NEXN: variants seen among roughly 807,000 people sequenced by gnomAD.
NEXN encodes nexilin F-actin binding protein, also known as nexilin.
Under a neutral mutation model 92.6 loss-of-function variants are expected in NEXN, and 65 were observed. That is an observed-to-expected ratio of 0.70 (90% CI 0.57 to 0.86). NEXN has a LOEUF of 0.86. Ranked by LOEUF, NEXN falls within the 40% of genes least tolerant of loss-of-function variation. The probability of loss-of-function intolerance (pLI) is 0.00; values close to 1 mark genes in which losing one functional copy is unlikely to be tolerated. For missense variants in NEXN, 778 were observed against 771.1 expected (o/e 1.01, Z -0.11); for synonymous variants, 254 against 242.5 (o/e 1.05, Z -0.44).
At position 77,932,755 on chromosome 1, in the gene NEXN, C is replaced by A. The variant is rs542058329; in HGVS notation, c.1054-527C>A. Among the ~76,000 whole-genome samples, 300 of 152,316 alleles carry A rather than the reference C, an allele frequency of 2.0e-3. 1 individual carries two copies. The highest frequency in any genetic ancestry group is 3.5e-3 in the Non-Finnish European group (238 of 68,018). On this transcript the variant is annotated intron_variant, in intron 9 of 12. Transcript: ENST00000334785. ...CCATTTCCTTCATAACCACAAAATA[C>A]CTCGGTCTTACATTTTCTAATAATT... is the stretch of plus-strand genomic sequence containing the variant.
At chr1:77,905,389 G>A (rs1648040526) in intron 1 of NEXN, among the ~76,000 whole-genome samples, 2 of 151,520 alleles carry the variant, frequency 1.3e-5, no homozygotes, top group Admixed American at 1.3e-4. Flanking sequence ...CCTTGAAGCT[G>A]GCAAGATTTA....
At chr1:77,930,597 T>G (rs1305529833) in intron 9 of NEXN, among the ~76,000 whole-genome samples, 1 of 152,228 alleles carries the variant, frequency 6.6e-6, no homozygotes, top group African/African-American at 2.4e-5. Flanking sequence ...ACAAATTTCT[T>G]TATAGTCTTG....
At chr1:77,910,503 A>G (rs1475621908) in intron 1 of NEXN, among the ~76,000 whole-genome samples, 1 of 152,234 alleles carries the variant, frequency 6.6e-6, no homozygotes, top group African/African-American at 2.4e-5. Flanking sequence ...CTGTAATCCC[A>G]GCATTTTGGG....
chr1:77,890,896 CCA>C (rs148815944), intron 1 of NEXN, among the ~76,000 whole-genome samples: 38 of 151,850 alleles, frequency 2.5e-4, no homozygotes, highest in African/African-American at 9.2e-4. Context: ...GTTATGTAGG[CCA>C]CACACACACA....
intron 1 of NEXN, among the ~76,000 whole-genome samples, chr1:77,903,581 G>A (rs1332269821): frequency 6.6e-6 from 1 of 152,184 alleles, no homozygotes; most frequent in Non-Finnish European, 1.5e-5. Context: ...AGACTAAATA[G>A]AAATAATTTC....
Position 77,929,462 on chromosome 1 carries a change from A to G in NEXN, c.1011A>G (p.Ile337Met). The G allele has an allele frequency of 6.2e-6, 10 of 1,613,342 alleles. No individual in the cohort carries two copies. The highest frequency in any genetic ancestry group is 2.2e-5 in the East Asian group (1 of 44,824). ...RKAEEEARRR[I>M]EEEKKAFAEA... is the part of the protein sequence containing the mutation. Reference sequence around the variant, plus strand: ...CAGAAGAAGAAGCCAGAAGGAGAATAGAGGAAGAAAAGAAGGCGTTTGCTG... The same window carrying G: ...CAGAAGAAGAAGCCAGAAGGAGAATGGAGGAAGAAAAGAAGGCGTTTGCTG... Residue 337 changes from isoleucine (I) to methionine (M), a missense_variant, in exon 9 of 13, where the codon ATA becomes ATG. Physicochemically the swap from Ile to Met is conservative, Grantham distance 10 (BLOSUM62 1). Around this residue, in one of 3 missense-constraint regions of NEXN, gnomAD observed 532 missense variants for 476.7 expected, o/e 1.12. Transcript: ENST00000334785.
intron 1 of NEXN, among the ~76,000 whole-genome samples, chr1:77,912,484 T>G (rs1397638519): frequency 6.6e-6 from 1 of 152,178 alleles, no homozygotes; most frequent in Admixed American, 6.5e-5. Flanking sequence ...AGACTTGGAA[T>G]AGCCAACACA....
intron 5 of NEXN, among the ~76,000 whole-genome samples, chr1:77,921,290 C>T (rs542948665): frequency 6.6e-6 from 1 of 152,020 alleles, no homozygotes; most frequent in East Asian, 1.9e-4. Flanking sequence ...GGTTCATGAT[C>T]AGGCCACTGC....
chr1:77,914,644 G>C (rs1314146783), intron 1 of NEXN, among the ~76,000 whole-genome samples: 1 of 151,918 alleles, frequency 6.6e-6, no homozygotes, highest in African/African-American at 2.4e-5. Flanking sequence ...GGATCACAAG[G>C]TCAGGAGTTC....
chr1:77,932,959 C>T (rs1051128671), intron 9 of NEXN: 5 of 224,034 alleles, frequency 2.2e-5, no homozygotes, highest in South Asian at 1.3e-4. Context: ...GTCGGGAGTT[C>T]GAGACCAGCC....
chr1:77,898,192 C>G (rs545653401), intron 1 of NEXN, among the ~76,000 whole-genome samples: 143 of 152,236 alleles, frequency 9.4e-4, no homozygotes, highest in African/African-American at 3.0e-3. Context: ...AAAAAGAACC[C>G]GCATCACCAA....
At chr1:77,900,576 A>G (rs1486496766) in intron 1 of NEXN, among the ~76,000 whole-genome samples, 2 of 152,218 alleles carry the variant, frequency 1.3e-5, no homozygotes, top group African/African-American at 4.8e-5. Flanking sequence ...ATTTGAAAAA[A>G]TGCAGCTTTT....
Position 77,942,969 on chromosome 1 carries a change from C to G in NEXN, c.*140C>G, listed in dbSNP as rs113440015. The stretch of plus-strand genomic sequence containing the variant: ...TTCACTCCAACTTTCTTACTACATC[C>G]ATCTTTTCTGTGGCGGGGCCAAAAA... On this transcript the variant is annotated 3_prime_UTR_variant, in exon 13 of 13. Transcript: ENST00000334785. The G allele has an allele frequency of 8.2e-6, 10 of 1,226,504 alleles. No homozygotes were observed. The African/African-American group carries it at 9.0e-5, about 11-fold the overall frequency. The allele number at this position is 1,226,504 out of a possible 1,614,324, so 76.0% of individuals were successfully genotyped here. A position where few individuals can be genotyped will look rare whatever the true frequency, so the allele number is the denominator to read the frequency against.
chr1:77,921,818 G>A (rs1283937577), intron 5 of NEXN, among the ~76,000 whole-genome samples: 7 of 152,126 alleles, frequency 4.6e-5, no homozygotes, highest in Non-Finnish European at 1.0e-4. Flanking sequence ...GGCTGCGGTG[G>A]GAGGATGATC....
Position 77,916,035 on chromosome 1 carries a change from A to G in NEXN, c.-52-20A>G, listed in dbSNP as rs1648947925. 1.1e-6 allele frequency: 1 copy of G among 892,064 alleles called. No individual in the cohort carries two copies. Among genetic ancestry groups the G allele is most frequent in the Non-Finnish European group, 1.5e-6 (1 of 646,786 alleles). The allele number at this position is 892,064 out of a possible 1,614,324, so 55.3% of individuals were successfully genotyped here. On this transcript the variant is annotated intron_variant, in intron 1 of 12. Transcript: ENST00000334785. ...TTACAAATAAATTAAAATTTATTAT[A>G]CAATATAAATTTTTTTCAGGTGCAA... is the stretch of plus-strand genomic sequence containing the variant.
chr1:77,913,875 A>C (rs1571104947), intron 1 of NEXN, among the ~76,000 whole-genome samples: 1 of 152,234 alleles, frequency 6.6e-6, no homozygotes, highest in African/African-American at 2.4e-5. Flanking sequence ...ACTGTGGTAC[A>C]TGCAGGTAAT....
intron 5 of NEXN, among the ~76,000 whole-genome samples, chr1:77,922,609 T>G (rs1007729321): frequency 6.6e-6 from 1 of 151,522 alleles, no homozygotes; most frequent in Non-Finnish European, 1.5e-5. Context: ...TTCTTTTTTT[T>G]TTTTTTGAGA....
In NEXN at chr1:77,926,382, GAAATAGGCTAATTATCTATTTTATA is replaced by G; in HGVS notation, c.490-24_490del. 2 of 1,494,360 alleles carry G rather than the reference GAAATAGGCTAATTATCTATTTTATA, an allele frequency of 1.3e-6. No homozygotes were observed. The highest frequency in any genetic ancestry group is 1.9e-6 in the Non-Finnish European group (2 of 1,079,568). The allele number at this position is 1,494,360 out of a possible 1,614,324, so 92.6% of individuals were successfully genotyped here. On this transcript the variant is annotated splice_polypyrimidine_tract_variant and splice_region_variant and intron_variant, in intron 6 of 12. Transcript: ENST00000334785. ...CATGAAACCCAATTTTGATTAAGAA[GAAATAGGCTAATTATCTATTTTATA>G]AAATAGGAAGGAGATGATTCACTAC...
chr1:77,942,404 A>G, intron 12 of NEXN, 57 bp from the exon 13 acceptor site: 1 of 1,573,008 alleles, frequency 6.4e-7, no homozygotes, highest in Non-Finnish European at 8.7e-7. Context: ...ATTGTTACTA[A>G]ATCGCTGCCC....
Sources: gnomAD v4.1 joint callset for allele counts (sites outside exome capture counted in the v4.1 genomes callset) on GRCh38, gnomAD v4.1.1 for gene constraint, gnomAD v4.1.1 regional missense constraint, MANE v1.5 for transcripts, NCBI Gene and HGNC (gene_info 2026-07-23, HGNC 2026-07-21) for gene names.